The following TUSC3 variants were observed in gnomAD, a reference collection of about 807,000 sequenced individuals.
TUSC3 encodes the protein dolichyl-diphosphooligosaccharide--protein glycosyltransferase subunit TUSC3.
TUSC3 carries 45 observed loss-of-function variants against 44.8 expected under a neutral mutation model. The observed-to-expected ratio is 1.00, with a 90% CI of 0.79 to 1.29. The LOEUF is 1.29. Ranked by LOEUF, TUSC3 falls within the 50% of genes most tolerant of loss-of-function variation. TUSC3 has a pLI of 0.00. For synonymous variants in TUSC3, 212 were observed against 152.9 expected (o/e 1.39, Z -2.85); for missense variants, 519 against 437.9 (o/e 1.19, Z -1.65).
chr8:15,504,926 A>G (rs1801033518), intron 2 of TUSC3, among the ~76,000 whole-genome samples: 3 of 151,978 alleles, frequency 2.0e-5, no homozygotes, highest in Admixed American at 2.0e-4. Context: ...TGCCGGGATT[A>G]CAGGCAATTT....
the TUSC3 span, among the ~76,000 whole-genome samples, chr8:15,790,162 C>G: frequency 1.4e-5 from 2 of 142,394 alleles, no homozygotes; most frequent in Non-Finnish European, 3.0e-5. Context: ...TGGTAACTAA[C>G]AGGTCATTGT....
intron 1 of TUSC3, among the ~76,000 whole-genome samples, chr8:15,588,024 G>A (rs965964417): frequency 2.0e-5 from 3 of 152,014 alleles, no homozygotes; most frequent in Non-Finnish European, 1.5e-5. Flanking sequence ...TAAACATGGG[G>A]CTGCAGGTAT....
intron 4 of TUSC3, 21 bp from the exon 5 acceptor site, chr8:15,662,135 A>G: frequency 6.2e-7 from 1 of 1,611,948 alleles, no homozygotes; most frequent in South Asian, 1.1e-5. Context: ...CATTTTTGAA[A>G]TTTCTATTGC....
chr8:15,504,292 G>A (rs1801014736), intron 2 of TUSC3, among the ~76,000 whole-genome samples: 1 of 151,918 alleles, frequency 6.6e-6, no homozygotes, highest in Admixed American at 6.6e-5. Context: ...GACATTGACA[G>A]TGCAGTTTAA....
At chr8:15,498,386 A>C (rs1368609283) in intron 2 of TUSC3, among the ~76,000 whole-genome samples, 1 of 152,140 alleles carries the variant, frequency 6.6e-6, no homozygotes, top group African/African-American at 2.4e-5. Flanking sequence ...GGTGTTGGAG[A>C]TGTGAATAGA....
chr8:15,734,949 G>C (rs1810870909), intron 7 of TUSC3, among the ~76,000 whole-genome samples: 1 of 152,190 alleles, frequency 6.6e-6, no homozygotes, highest in Non-Finnish European at 1.5e-5. Flanking sequence ...TTGAATCTTA[G>C]CTACACGTAG....
chr8:15,751,828 C>A (rs1280227361), intron 9 of TUSC3, among the ~76,000 whole-genome samples: 1 of 152,128 alleles, frequency 6.6e-6, no homozygotes, highest in African/African-American at 2.4e-5. Context: ...ATTCCTACAC[C>A]ATGCACAGCT....
chr8:15,744,471 A>C (rs1050516255), intron 8 of TUSC3, among the ~76,000 whole-genome samples: 2 of 152,124 alleles, frequency 1.3e-5, no homozygotes, highest in African/African-American at 4.8e-5. Flanking sequence ...TTAAAACCCA[A>C]AATTTATGTA....
At chr8:15,574,107 G>C (rs549504004) in intron 1 of TUSC3, among the ~76,000 whole-genome samples, 1 of 152,210 alleles carries the variant, frequency 6.6e-6, no homozygotes, top group Non-Finnish European at 1.5e-5. Context: ...AGCATTCACC[G>C]TCAAGGGAAG....
intron 7 of TUSC3, among the ~76,000 whole-genome samples, chr8:15,742,023 C>G (rs145449979): frequency 6.6e-6 from 1 of 152,070 alleles, no homozygotes; most frequent in Non-Finnish European, 1.5e-5. Flanking sequence ...AGTAGATGGT[C>G]CAAAACACTT....
intron 1 of TUSC3, among the ~76,000 whole-genome samples, chr8:15,444,550 T>C (rs528743346): frequency 3.2e-4 from 49 of 152,150 alleles, no homozygotes; most frequent in African/African-American, 1.2e-3. Flanking sequence ...CCTGATCAGA[T>C]AGGGAGAGTG....
intron 1 of TUSC3, among the ~76,000 whole-genome samples, chr8:15,561,258 C>T (rs1214534361): frequency 3.9e-4 from 57 of 146,732 alleles, no homozygotes; most frequent in Middle Eastern, 3.5e-3. Flanking sequence ...TTGGAATACC[C>T]TGCAGTGTGA....
At chr8:15,550,406 T>C (rs1388016923) in intron 1 of TUSC3, among the ~76,000 whole-genome samples, 5 of 151,624 alleles carry the variant, frequency 3.3e-5, no homozygotes, top group Admixed American at 3.3e-4. Flanking sequence ...AGAATGTGAT[T>C]TTACAAAATA....
intron 2 of TUSC3, among the ~76,000 whole-genome samples, chr8:15,647,787 C>T (rs921562684): frequency 6.6e-6 from 1 of 152,094 alleles, no homozygotes; most frequent in Non-Finnish European, 1.5e-5. Flanking sequence ...TTATTTGTCT[C>T]AACGTGCAAT....
At chr8:15,460,498 G>T (rs1800330372) in intron 1 of TUSC3, among the ~76,000 whole-genome samples, 1 of 152,132 alleles carries the variant, frequency 6.6e-6, no homozygotes, top group Admixed American at 6.5e-5. Context: ...TGTCTACTCT[G>T]CTGACTGTTC....
the TUSC3 span, among the ~76,000 whole-genome samples, chr8:15,824,203 T>C: frequency 1.8e-4 from 27 of 152,122 alleles, no homozygotes; most frequent in Admixed American, 1.6e-3. Flanking sequence ...GTGGAAGATA[T>C]CTTGTTATTG....
At chr8:15,636,462 C>T (rs1218176154) in intron 2 of TUSC3, among the ~76,000 whole-genome samples, 1 of 152,140 alleles carries the variant, frequency 6.6e-6, no homozygotes, top group African/African-American at 2.4e-5. Flanking sequence ...AGTAGACCAA[C>T]CCCAGAATAG....
At chr8:15,453,881 G>C (rs1440665078) in intron 1 of TUSC3, among the ~76,000 whole-genome samples, 1 of 152,154 alleles carries the variant, frequency 6.6e-6, no homozygotes. Context: ...TCTCTCTATA[G>C]ATAGAAACAC....
intron 9 of TUSC3, among the ~76,000 whole-genome samples, chr8:15,753,325 TC>T (rs1811785669): frequency 6.6e-6 from 1 of 152,066 alleles, no homozygotes; most frequent in East Asian, 1.9e-4. Context: ...TTTCCTACAT[TC>T]TATGGATATA....
Sources: gnomAD v4.1 joint callset for allele counts (sites outside exome capture counted in the v4.1 genomes callset) on GRCh38, gnomAD v4.1.1 for gene constraint, MANE v1.5 for transcripts, NCBI Gene and HGNC (gene_info 2026-07-23, HGNC 2026-07-21) for gene names.